The following CAST variants were observed in gnomAD, a reference collection of about 807,000 sequenced individuals.
CAST encodes the protein calpastatin, also known as MIR583 host.
Under a neutral mutation model 119.6 loss-of-function variants are expected in CAST, and 76 were observed. The ratio of observed to expected loss-of-function variants is 0.64; its 90% CI spans 0.53 to 0.77. The LOEUF (loss-of-function observed/expected upper bound fraction) is 0.77. Among genes scored for constraint, CAST ranks in the 30% least tolerant of loss-of-function variants. The probability of loss-of-function intolerance (pLI) is 0.00; values close to 1 mark genes in which losing one functional copy is unlikely to be tolerated. For missense variants in CAST, 953 were observed against 946.5 expected (o/e 1.01, Z -0.09); for synonymous variants, 319 against 331.6 (o/e 0.96, Z 0.41).
chr5:96,750,359 G>A (rs943939331), intron 19 of CAST, among the ~76,000 whole-genome samples: 1 of 152,028 alleles, frequency 6.6e-6, no homozygotes, highest in Non-Finnish European at 1.5e-5. Flanking sequence ...TCAGTTTCAC[G>A]AGTTTCAGTA....
the CAST span, among the ~76,000 whole-genome samples, chr5:96,303,719 TGTTA>T: frequency 6.6e-6 from 1 of 152,088 alleles, no homozygotes; most frequent in East Asian, 1.9e-4. Context: ...TCTGTTCTTC[TGTTA>T]GTTTGCTGAG....
intron 1 of CAST, among the ~76,000 whole-genome samples, chr5:96,560,517 C>T (rs181169212): frequency 1.7e-3 from 265 of 152,160 alleles, no homozygotes; most frequent in African/African-American, 5.9e-3. Flanking sequence ...CAAGAAAAAA[C>T]AACCCCATCA....
At chr5:96,620,321 C>A (rs1360945466) in intron 1 of CAST, among the ~76,000 whole-genome samples, 6 of 146,670 alleles carry the variant, frequency 4.1e-5, no homozygotes, top group African/African-American at 7.7e-5. Flanking sequence ...AATGGACTTA[C>A]AATTTATTGG....
the CAST span, among the ~76,000 whole-genome samples, chr5:96,214,100 G>T: frequency 6.6e-6 from 1 of 152,154 alleles, no homozygotes; most frequent in Admixed American, 6.5e-5. Context: ...AAAAGTCTTA[G>T]AAGTCAATCT....
chr5:96,559,065 A>C (rs981192781), intron 1 of CAST, among the ~76,000 whole-genome samples: 1 of 152,184 alleles, frequency 6.6e-6, no homozygotes, highest in African/African-American at 2.4e-5. Context: ...ATGCAAATCG[A>C]TAAACGTAAT....
the CAST span, among the ~76,000 whole-genome samples, chr5:96,357,852 GT>G: frequency 2.6e-5 from 4 of 152,190 alleles, no homozygotes; most frequent in East Asian, 7.7e-4. Context: ...CATATAATGA[GT>G]TAGATAGGAG....
chr5:96,300,577 A>ATTT, the CAST span, among the ~76,000 whole-genome samples: 1 of 146,634 alleles, frequency 6.8e-6, no homozygotes, highest in African/African-American at 2.5e-5. Flanking sequence ...TGCCTTTGCT[A>ATTT]TTTTTTTTTT....
the CAST span, among the ~76,000 whole-genome samples, chr5:95,982,425 T>G: frequency 6.6e-6 from 1 of 152,182 alleles, no homozygotes; most frequent in Non-Finnish European, 1.5e-5. Flanking sequence ...GAGGAAATTC[T>G]CTTGTGCTGT....
At chr5:96,504,875 G>A in the CAST span, among the ~76,000 whole-genome samples, 7 of 152,224 alleles carry the variant, frequency 4.6e-5, no homozygotes, top group Non-Finnish European at 1.0e-4. Flanking sequence ...AACACAATAT[G>A]TAGCCTTTGT....
At chr5:96,072,055 T>A in the CAST span, among the ~76,000 whole-genome samples, 18 of 152,246 alleles carry the variant, frequency 1.2e-4, no homozygotes, top group East Asian at 3.5e-3. Context: ...AAAACTTAAA[T>A]TGATAAAAAA....
chr5:96,442,056 T>C, the CAST span, among the ~76,000 whole-genome samples: 70 of 152,306 alleles, frequency 4.6e-4, no homozygotes, highest in Non-Finnish European at 7.4e-4. Flanking sequence ...GCAAGTAAAC[T>C]GAGTCACAGG....
intron 1 of CAST, among the ~76,000 whole-genome samples, chr5:96,621,813 A>G (rs1747612254): frequency 6.6e-6 from 1 of 152,106 alleles, no homozygotes; most frequent in Non-Finnish European, 1.5e-5. Flanking sequence ...CTTACTGTTG[A>G]CATCCTTCTG....
the CAST span, among the ~76,000 whole-genome samples, chr5:96,499,620 T>C: frequency 0.24 from 36,402 of 152,174 alleles, 4,873 homozygotes; most frequent in African/African-American, 0.34. Flanking sequence ...TTTGTCTTAT[T>C]GACTGACTCT....
At chr5:96,582,387 A>G (rs1385161586) in intron 1 of CAST, among the ~76,000 whole-genome samples, 1 of 152,268 alleles carries the variant, frequency 6.6e-6, no homozygotes, top group Admixed American at 6.5e-5. Flanking sequence ...CTAATTGTTC[A>G]AACAAGATCC....
chr5:96,638,268 T>C (rs1052265060), intron 1 of CAST, among the ~76,000 whole-genome samples: 4 of 150,120 alleles, frequency 2.7e-5, no homozygotes, highest in Non-Finnish European at 4.4e-5. Context: ...TAGCCAGCCG[T>C]GGTGGTACAC....
intron 1 of CAST, among the ~76,000 whole-genome samples, chr5:96,573,385 C>A (rs1746606008): frequency 6.6e-6 from 1 of 152,106 alleles, no homozygotes; most frequent in Admixed American, 6.6e-5. Flanking sequence ...AATCCCAACA[C>A]TTTGGGAGGC....
At chr5:96,362,382 A>G in the CAST span, among the ~76,000 whole-genome samples, 1 of 152,164 alleles carries the variant, frequency 6.6e-6, no homozygotes, top group Non-Finnish European at 1.5e-5. Flanking sequence ...TGGTATTTCT[A>G]ATTCTAGATC....
At chr5:96,370,495 AC>A in the CAST span, among the ~76,000 whole-genome samples, 1 of 151,928 alleles carries the variant, frequency 6.6e-6, no homozygotes, top group South Asian at 2.1e-4. Context: ...GCTGCCAAAC[AC>A]CCCTTCAGGG....
the CAST span, among the ~76,000 whole-genome samples, chr5:96,226,647 A>G: frequency 6.6e-6 from 1 of 151,952 alleles, no homozygotes; most frequent in Non-Finnish European, 1.5e-5. Context: ...ACAGAGTGAG[A>G]CCCTGCCTCA....
Sources: allele counts gnomAD v4.1 joint callset (sites outside exome capture counted in the v4.1 genomes callset), GRCh38; gene constraint gnomAD v4.1.1; transcripts MANE v1.5; gene names NCBI Gene and HGNC (gene_info 2026-07-23, HGNC 2026-07-21).